The following NAV3 variants were observed in gnomAD, a reference collection of about 807,000 sequenced individuals.
The protein encoded by NAV3 is pore membrane and/or filament interacting like protein 1.
NAV3 carries 87 observed loss-of-function variants against 244.7 expected under a neutral mutation model. The ratio of observed to expected loss-of-function variants is 0.36; its 90% CI spans 0.30 to 0.42. NAV3 has a LOEUF of 0.42. Ranked by LOEUF, NAV3 falls within the 20% of genes least tolerant of loss-of-function variation. The probability of loss-of-function intolerance (pLI) is 1.00; values close to 1 mark genes in which losing one functional copy is unlikely to be tolerated. For missense variants in NAV3, 2,663 were observed against 2,893.3 expected, an observed-to-expected ratio of 0.92 and a Z score of 1.83; for synonymous variants, 1,126 against 1,042.2, an observed-to-expected ratio of 1.08 and a Z score of -1.55.
intron 11 of NAV3, among the ~76,000 whole-genome samples, chr12:78,051,586 A>C (rs1882773731): frequency 6.6e-6 from 1 of 152,050 alleles, no homozygotes; most frequent in Non-Finnish European, 1.5e-5. Flanking sequence ...CCCCAATTTA[A>C]CTTGAGGGAA....
Position 78,007,143 on chromosome 12 carries a change from A to G in NAV3, c.1605A>G (p.Pro535=), listed in dbSNP as rs201452320. The change falls in exon 8 of 40, where the codon CCA becomes CCG. Residue 535 remains proline, a synonymous_variant. Transcript: ENST00000397909. ...SGIPKPGSKV[P]TVKQTISPGS... is the part of the protein sequence containing the mutation. ...TTCCAAAACCAGGCTCTAAAGTTCC[A>G]ACAGTAAAGCAAACCATTTCACCTG... The G allele has an allele frequency of 1.4e-5, 22 of 1,614,122 alleles. No homozygotes were observed. In the African/African-American group the frequency reaches 2.7e-4, roughly 20 times the overall value.
At chr12:77,794,724 T>C (rs1871329488) in intron 2 of NAV3, among the ~76,000 whole-genome samples, 1 of 152,230 alleles carries the variant, frequency 6.6e-6, no homozygotes, top group African/African-American at 2.4e-5. Context: ...ATGTTGGTGA[T>C]ACTCATGATA....
At chr12:78,020,166 T>C (rs555334331) in intron 8 of NAV3, among the ~76,000 whole-genome samples, 1 of 152,258 alleles carries the variant, frequency 6.6e-6, no homozygotes, top group African/African-American at 2.4e-5. Context: ...CAACATTTAA[T>C]GATTATGTAG....
intron 1 of NAV3, among the ~76,000 whole-genome samples, chr12:77,873,881 CA>C (rs1881454970): frequency 6.7e-6 from 1 of 150,320 alleles, no homozygotes; most frequent in Non-Finnish European, 1.5e-5. Context: ...CAGGGGTCCC[CA>C]ACCCCTGGGC....
intron 2 of NAV3, among the ~76,000 whole-genome samples, chr12:77,600,792 T>C (rs1870393610): frequency 1.3e-5 from 2 of 151,942 alleles, no homozygotes; most frequent in South Asian, 4.1e-4. Context: ...AGGGTCCAAC[T>C]CAAGGCCAAT....
chr12:77,873,849 T>G (rs148904951), intron 1 of NAV3, among the ~76,000 whole-genome samples: 2,241 of 149,282 alleles, frequency 0.015, 30 homozygotes, highest in Non-Finnish European at 0.025. Context: ...TGTAAGAATG[T>G]GCATTTCTCC....
chr12:78,110,834 G>A (rs952416289), intron 12 of NAV3, among the ~76,000 whole-genome samples: 14 of 151,996 alleles, frequency 9.2e-5, no homozygotes, highest in African/African-American at 3.4e-4. Context: ...AAGACTATCT[G>A]CCATTAAAAA....
At position 77,809,040 on chromosome 12, in the gene NAV3, G is replaced by A. The variant is rs192067753; in HGVS notation, c.73-131279G>A. Among the ~76,000 whole-genome samples the A allele has an allele frequency of 5.7e-3, 871 of 152,206 alleles. 3 individuals carry two copies. Among genetic ancestry groups the A allele is most frequent in the Non-Finnish European group, 0.011 (715 of 68,002 alleles). ...CTCCCTTCCCCCAAGATCAAGCATC[G>A]CAGGTCGACTTCAGAATGCTGTGCT... On this transcript the variant is annotated intron_variant, in intron 2 of 8. Coordinates refer to the NAV3 transcript ENST00000550042.
In NAV3 at chr12:78,118,036, G is replaced by A. The variant is rs775262399; in HGVS notation, c.2779G>A (p.Asp927Asn). Residue 927 changes from aspartate (D) to asparagine (N), a missense_variant, in exon 14 of 40, where the codon GAT becomes AAT. By Grantham distance (23) the Asp-to-Asn change is conservative. This residue lies in a region of NAV3 where 1,521 missense variants were observed against 1,497.0 expected (regional missense o/e 1.02). Coordinates refer to ENST00000397909, the MANE Select transcript of NAV3 (RefSeq NM_001024383.2). Reference sequence around the variant, plus strand: ...ATATTTGTCTTTATAGCTGAGGACAGATTCAGAGAAACGCTCCACCACAGA... The same window carrying A: ...ATATTTGTCTTTATAGCTGAGGACAAATTCAGAGAAACGCTCCACCACAGA... ...PSRKNTQLRT[D>N]SEKRSTTDET... is the part of the protein sequence containing the mutation. 6.2e-7 allele frequency: 1 copy of A among 1,608,328 alleles called. No individual in the cohort carries two copies. The highest frequency in any genetic ancestry group is 1.7e-5 in the Admixed American group (1 of 58,888).
intron 12 of NAV3, among the ~76,000 whole-genome samples, chr12:78,080,580 T>C (rs375486546): frequency 1.6e-4 from 25 of 152,334 alleles, no homozygotes; most frequent in African/African-American, 5.5e-4. Context: ...TTATGACTTT[T>C]AGACTTTACT....
chr12:78,124,072 T>A (rs1328609478), intron 16 of NAV3, among the ~76,000 whole-genome samples: 2 of 152,244 alleles, frequency 1.3e-5, no homozygotes, highest in African/African-American at 4.8e-5. Flanking sequence ...TAGGTTATCA[T>A]TTATTAACCA....
At chr12:77,930,551 A>C (rs186883931) in intron 1 of NAV3, among the ~76,000 whole-genome samples, 3 of 152,224 alleles carry the variant, frequency 2.0e-5, no homozygotes, top group Admixed American at 6.5e-5. Context: ...AGTGTTAACA[A>C]TTCTAGAATC....
chr12:78,131,670 CA>C (rs1261418238), intron 18 of NAV3, among the ~76,000 whole-genome samples: 1 of 152,114 alleles, frequency 6.6e-6, no homozygotes, highest in African/African-American at 2.4e-5. Flanking sequence ...TCCTTAGGAA[CA>C]AAAAGACTCA....
At chr12:77,958,365 A>T (rs1026539473) in intron 3 of NAV3, among the ~76,000 whole-genome samples, 1 of 152,182 alleles carries the variant, frequency 6.6e-6, no homozygotes. Context: ...TAAGTTTAAT[A>T]AATGTGTGAT....
intron 9 of NAV3, among the ~76,000 whole-genome samples, chr12:78,028,728 C>A (rs1878489950): frequency 6.6e-6 from 1 of 152,172 alleles, no homozygotes. Context: ...TTTGCATCAG[C>A]AATTCTTGCT....
intron 11 of NAV3, among the ~76,000 whole-genome samples, chr12:78,052,408 A>T (rs1364966501): frequency 7.2e-5 from 11 of 152,158 alleles, no homozygotes. Context: ...GCCTAGTTTG[A>T]ATCTCTCCCA....
intron 2 of NAV3, among the ~76,000 whole-genome samples, chr12:77,820,051 C>T (rs11106845): frequency 0.67 from 101,856 of 151,942 alleles, 34,311 homozygotes; most frequent in African/African-American, 0.74. Flanking sequence ...AGAAAATGGA[C>T]AGTGAGGTCA....
intron 1 of NAV3, among the ~76,000 whole-genome samples, chr12:77,852,960 G>A (rs7315115): frequency 0.45 from 68,076 of 152,014 alleles, 15,742 homozygotes; most frequent in Non-Finnish European, 0.5. Flanking sequence ...GTCTTTTTGC[G>A]AACATAAGAA....
chr12:78,012,162 C>A (rs1195334006), intron 8 of NAV3, among the ~76,000 whole-genome samples: 2 of 152,168 alleles, frequency 1.3e-5, no homozygotes, highest in South Asian at 2.1e-4. Context: ...CTTTCAATGA[C>A]CCCTTCTCCA....
Sources: allele counts gnomAD v4.1 joint callset (sites outside exome capture counted in the v4.1 genomes callset), GRCh38; gene constraint gnomAD v4.1.1; regional missense constraint gnomAD v4.1.1; transcripts MANE v1.5; gene names NCBI Gene and HGNC (gene_info 2026-07-23, HGNC 2026-07-21).